Variants in MX1 observed in about 807,000 individuals in gnomAD.
MX1 encodes MX dynamin like GTPase 1.
A neutral mutation model predicts 66.4 loss-of-function variants in MX1; 66 were observed. That is an observed-to-expected ratio of 0.99 (90% CI 0.82 to 1.22). The LOEUF is 1.22. Among genes scored for constraint, MX1 ranks in the 50% most tolerant of loss-of-function variants. The pLI is 0.00. For synonymous variants in MX1, 311 were observed against 318.1 expected, an observed-to-expected ratio of 0.98 and a Z score of 0.24; for missense variants, 787 against 834.3, an observed-to-expected ratio of 0.94 and a Z score of 0.70.
intron 11 of MX1, among the ~76,000 whole-genome samples, 160 bp from the exon 12 acceptor site, chr21:41,445,287 GC>G (rs932860985): frequency 5.3e-5 from 8 of 152,102 alleles, no homozygotes; most frequent in Non-Finnish European, 7.4e-5. Flanking sequence ...CCCAGTGTGT[GC>G]CCCCCTGCAC....
rs989180955 is a variant in MX1 at position 41,439,999 on chromosome 21, G to C, written c.591+151G>C. 3.7e-6 allele frequency: 3 copies of C among 804,874 alleles called. No homozygotes were observed. The Admixed American group carries it at 8.9e-5, about 24-fold the overall frequency. The allele number at this position is 804,874 out of a possible 1,614,324, so 49.9% of individuals were successfully genotyped here. ...TTTGGAGGTGTGAGTGGGGAATTTA[G>C]AGAGCCCGTTGGTCACAGTCTGTTC... On this transcript the variant is annotated intron_variant, in intron 8 of 16. Transcript: ENST00000398598.
chr21:41,445,711 G>A, intron 12 of MX1, 141 bp downstream of exon 12: 3 of 1,199,642 alleles, frequency 2.5e-6, no homozygotes, highest in Admixed American at 2.5e-5. Context: ...GGGTGGACAG[G>A]GCTGAGGGAG....
chr21:41,428,288 C>T (rs189872661), intron 3 of MX1: 1 of 152,326 alleles, frequency 6.6e-6, no homozygotes, highest in African/African-American at 2.4e-5. Flanking sequence ...TCAGGGTGAC[C>T]CAGCAGGCAA....
At chr21:41,454,369 A>C (rs2090909745) in intron 16 of MX1, among the ~76,000 whole-genome samples, 1 of 151,474 alleles carries the variant, frequency 6.6e-6, no homozygotes, top group South Asian at 2.1e-4. Flanking sequence ...GTATCTTACT[A>C]CTCCAGAGTC....
intron 1 of MX1, chr21:41,426,833 C>T (rs2090074388): frequency 8.3e-6 from 1 of 120,108 alleles, no homozygotes; most frequent in African/African-American, 3.2e-5. Flanking sequence ...GGGAAGACCC[C>T]TGCCCGCTGT....
Position 41,435,826 on chromosome 21 carries a change from G to C in MX1, c.106-11G>C. 6.3e-7 allele frequency: 1 copy of C among 1,591,488 alleles called. No homozygotes were observed. Among genetic ancestry groups the C allele is most frequent in the Non-Finnish European group, 8.6e-7 (1 of 1,164,232 alleles). ...AGGCCATGAAGAATTCTCCATTTTT[G>C]TTTCCTCCAGGTGGCTGAGAACAAC... On this transcript the variant is annotated splice_polypyrimidine_tract_variant and intron_variant, in intron 5 of 16. Coordinates refer to ENST00000398598, the MANE Select transcript of MX1 (RefSeq NM_002462.5).
chr21:41,443,302 C>A (rs1480691610), intron 10 of MX1, among the ~76,000 whole-genome samples: 1 of 152,188 alleles, frequency 6.6e-6, no homozygotes, highest in African/African-American at 2.4e-5. Context: ...TACTTGACTT[C>A]CTTCCTCCAG....
chr21:41,428,757 G>T (rs927859975), intron 3 of MX1: 1 of 152,240 alleles, frequency 6.6e-6, no homozygotes, highest in African/African-American at 2.4e-5. Context: ...ATGAGCGAAA[G>T]TGAGAAACAC....
At chr21:41,438,673 A>T (rs1880779828) in intron 7 of MX1, among the ~76,000 whole-genome samples, 1 of 152,220 alleles carries the variant, frequency 6.6e-6, no homozygotes, top group African/African-American at 2.4e-5. Flanking sequence ...GAAGTGACGA[A>T]GGCACCCTGT....
At chr21:41,436,161 T>A in intron 6 of MX1, 132 bp downstream of exon 6, 1 of 1,085,372 alleles carries the variant, frequency 9.2e-7, no homozygotes, top group Non-Finnish European at 1.3e-6. Context: ...GGGTTTAGCT[T>A]CTCCTGAGGC....
intron 14 of MX1, chr21:41,449,694 T>A (rs7275461): frequency 0.062 from 9,717 of 156,656 alleles, 943 homozygotes; most frequent in African/African-American, 0.21. Flanking sequence ...GGGGCACAAA[T>A]GAAGCTGTTG....
chr21:41,449,637 A>T, intron 14 of MX1: 1 of 193,306 alleles, frequency 5.2e-6, no homozygotes, highest in Non-Finnish European at 1.0e-5. Context: ...AGAACTCTGG[A>T]ACACACTTCA....
At chr21:41,436,874 A>G (rs1873954169) in intron 6 of MX1, 141 bp from the exon 7 acceptor site, 1 of 976,506 alleles carries the variant, frequency 1.0e-6, no homozygotes, top group South Asian at 1.7e-5. Flanking sequence ...GTCCCCGCAT[A>G]TCAGAGGGTA....
chr21:41,438,278 A>G (rs2090417974), intron 7 of MX1, among the ~76,000 whole-genome samples: 1 of 152,282 alleles, frequency 6.6e-6, no homozygotes, highest in Admixed American at 6.5e-5. Flanking sequence ...TGCTTGCAGC[A>G]GAAAACTCAA....
At chr21:41,430,181 G>A (rs1358919338) in intron 3 of MX1, among the ~76,000 whole-genome samples, 2 of 152,018 alleles carry the variant, frequency 1.3e-5, no homozygotes, top group Admixed American at 1.3e-4. Flanking sequence ...AGGGTGACAG[G>A]CAGGGGTGAT....
chr21:41,456,230 C>T (rs983557799), intron 16 of MX1, among the ~76,000 whole-genome samples: 23 of 152,088 alleles, frequency 1.5e-4, no homozygotes, highest in African/African-American at 5.5e-4. Context: ...GGTGACAGAG[C>T]GAGACTCCAT....
intron 16 of MX1, among the ~76,000 whole-genome samples, chr21:41,457,532 C>T (rs1373422232): frequency 6.6e-6 from 1 of 152,184 alleles, no homozygotes; most frequent in African/African-American, 2.4e-5. Flanking sequence ...CCAGTCCCAT[C>T]CTGGAAGGGT....
intron 14 of MX1, chr21:41,450,883 A>G: frequency 6.2e-6 from 1 of 160,564 alleles, no homozygotes; most frequent in South Asian, 2.0e-4. Flanking sequence ...GTATTATAAA[A>G]TATTAATATT....
chr21:41,442,056 T>C, intron 10 of MX1, 142 bp downstream of exon 10: 1 of 749,744 alleles, frequency 1.3e-6, no homozygotes, highest in Non-Finnish European at 2.2e-6. Flanking sequence ...TGTGTGTGAC[T>C]ATGCTTGTTC....
Sources: gnomAD v4.1 joint callset for allele counts (sites outside exome capture counted in the v4.1 genomes callset) on GRCh38, gnomAD v4.1.1 for gene constraint, MANE v1.5 for transcripts, NCBI Gene and HGNC (gene_info 2026-07-23, HGNC 2026-07-21) for gene names.